Variants in TMEM64 observed in about 807,000 individuals in gnomAD.
TMEM64 encodes transmembrane protein 64.
TMEM64 carries 19 observed loss-of-function variants against 24.5 expected under a neutral mutation model. The ratio of observed to expected loss-of-function variants is 0.78; its 90% CI spans 0.54 to 1.14. The LOEUF (loss-of-function observed/expected upper bound fraction) is 1.14, where lower values mean the gene tolerates loss of function less well. Ranked by LOEUF, TMEM64 falls within the 50% of genes most tolerant of loss-of-function variation. The pLI is 0.00. For missense variants in TMEM64, 487 were observed against 493.0 expected (o/e 0.99, Z 0.12); for synonymous variants, 262 against 224.7 (o/e 1.17, Z -1.49).
At position 90,645,699 on chromosome 8, in the gene TMEM64, A is replaced by G; in HGVS notation, c.207T>C (p.Tyr69=). ...AAASGALLGA[Y]LERHGPPEAS... ...CCTCGGGCGGACCGTGGCGCTCCAG[A>G]TAGGCGCCGAGCAGGGCGCCCGAGG... Residue 69 remains tyrosine, a synonymous_variant, in exon 1 of 3, where the codon TAT becomes TAC. Transcript: ENST00000458549. This position sits in a 1 kb window ranked among gnomAD's most constrained non-coding sequence, Gnocchi z 4.2. 7.1e-7 allele frequency: 1 copy of G among 1,410,616 alleles called. No individual in the cohort carries two copies. The highest frequency in any genetic ancestry group is 1.5e-5 in the African/African-American group (1 of 65,986). The allele number at this position is 1,410,616 out of a possible 1,614,324, so 87.4% of individuals were successfully genotyped here.
intron 1 of TMEM64, among the ~76,000 whole-genome samples, chr8:90,638,806 C>A (rs1215054500): frequency 3.3e-5 from 5 of 152,052 alleles, no homozygotes; most frequent in Non-Finnish European, 7.4e-5. Context: ...GCCAAACACA[C>A]AGAAAAAATG....
In TMEM64 at chr8:90,645,742, G is replaced by GCCGCGCTCGCCCCGCCC; in HGVS notation, c.147_163dup (p.Ala55GlyfsTer58). The GCCGCGCTCGCCCCGCCC allele has an allele frequency of 9.0e-7, 1 of 1,109,534 alleles. No individual in the cohort carries two copies. Among genetic ancestry groups the GCCGCGCTCGCCCCGCCC allele is most frequent in the Non-Finnish European group, 1.1e-6 (1 of 911,838 alleles). The allele number at this position is 1,109,534 out of a possible 1,614,324, so 68.7% of individuals were successfully genotyped here. ...GCCCGAGGCCGCCGCTGCTGCCGCC[G>GCCGCGCTCGCCCCGCCC]CCGCGCTCGCCCCGCCCCCGCGGGG... On this transcript the variant is annotated frameshift_variant, in exon 1 of 3. Transcript: ENST00000458549. LOFTEE classifies it high-confidence loss of function. The surrounding 1 kb of genome is among the most constrained non-coding windows in gnomAD (Gnocchi z 4.2).
At chr8:90,637,949 TC>T (rs1809547206) in intron 1 of TMEM64, among the ~76,000 whole-genome samples, 1 of 152,170 alleles carries the variant, frequency 6.6e-6, no homozygotes, top group South Asian at 2.1e-4. Context: ...GCTGGAGACC[TC>T]ATCAGTCAGG....
At chr8:90,628,954 T>C (rs140575652) in intron 2 of TMEM64, among the ~76,000 whole-genome samples, 164 of 152,316 alleles carry the variant, frequency 1.1e-3, no homozygotes, top group African/African-American at 3.4e-3. Context: ...CAAGAAATGG[T>C]TGTGGCTTCC....
Position 90,625,080 on chromosome 8 carries a change from G to C in TMEM64, c.*591C>G, listed in dbSNP as rs1052525565. On this transcript the variant is annotated 3_prime_UTR_variant, in exon 3 of 3. Coordinates refer to ENST00000458549, the MANE Select transcript of TMEM64 (RefSeq NM_001008495.4). ...AGGTAGGATTTAAGCTTTGTGAATAGGTGTAAATGGCCCTGTAACAATATG... is the reference window on the plus strand; with the variant it reads ...AGGTAGGATTTAAGCTTTGTGAATACGTGTAAATGGCCCTGTAACAATATG... 1.3e-5 allele frequency: 2 copies of C among 152,502 alleles called. No individual in the cohort carries two copies. Among genetic ancestry groups the C allele is most frequent in the African/African-American group, 4.8e-5 (2 of 41,428 alleles). The allele number at this position is 152,502 out of a possible 1,614,324, so 9.4% of individuals were successfully genotyped here.
At chr8:90,632,800 A>C (rs557200857) in intron 1 of TMEM64, among the ~76,000 whole-genome samples, 7 of 152,156 alleles carry the variant, frequency 4.6e-5, no homozygotes, top group Non-Finnish European at 1.0e-4. Context: ...AATATTTCTA[A>C]AGTATCTAGG....
intron 1 of TMEM64, among the ~76,000 whole-genome samples, chr8:90,632,228 C>T (rs1478044197): frequency 6.6e-6 from 1 of 151,984 alleles, no homozygotes; most frequent in East Asian, 1.9e-4. Context: ...CTCACTGCAA[C>T]CTCCACCACC....
chr8:90,643,369 T>C (rs1206394768), intron 1 of TMEM64, among the ~76,000 whole-genome samples: 1 of 152,202 alleles, frequency 6.6e-6, no homozygotes, highest in East Asian at 1.9e-4. Context: ...GTAGGTATCA[T>C]TACTTTCCTC....
At position 90,626,620 on chromosome 8, in the gene TMEM64, TTTTTC is replaced by T. The variant is rs796777713; in HGVS notation, c.952-763_952-759del. Among the ~76,000 whole-genome samples the T allele has an allele frequency of 1.0e-4, 14 of 134,976 alleles. 1 individual carries two copies. Among genetic ancestry groups the T allele is most frequent in the Admixed American group, 1.6e-4 (2 of 12,768 alleles). 88.5% of individuals were successfully genotyped at this position (134,976 alleles called of 152,430 possible). On this transcript the variant is annotated intron_variant, in intron 2 of 2. Transcript: ENST00000458549. ...GAAGCTGTGGTCCCTCTGTACTTTT[TTTTTC>T]TTTCTTTTTTTTTTTTTTTTTTTGA...
intron 2 of TMEM64, among the ~76,000 whole-genome samples, chr8:90,630,954 T>C (rs1010986032): frequency 9.8e-5 from 15 of 152,350 alleles, no homozygotes; most frequent in African/African-American, 1.9e-4. Flanking sequence ...CAACTTCTTA[T>C]GTAAAATTTT....
chr8:90,642,933 C>G (rs1363996162), intron 1 of TMEM64, among the ~76,000 whole-genome samples: 1 of 151,774 alleles, frequency 6.6e-6, no homozygotes, highest in Non-Finnish European at 1.5e-5. Context: ...TCTTTTTTTT[C>G]CCTTCTTTTT....
chr8:90,633,033 C>T (rs1809463545), intron 1 of TMEM64, among the ~76,000 whole-genome samples: 1 of 152,118 alleles, frequency 6.6e-6, no homozygotes, highest in Admixed American at 6.5e-5. Context: ...CTGTGGTAGG[C>T]AACATCTAAA....
In TMEM64 at chr8:90,645,804, C is replaced by G. The variant is rs1809692225; in HGVS notation, c.102G>C (p.Pro34=). 1 of 1,029,270 alleles carries G rather than the reference C, an allele frequency of 9.7e-7. No homozygotes were observed. Among genetic ancestry groups the G allele is most frequent in the African/African-American group, 1.7e-5 (1 of 57,946 alleles). The allele number at this position is 1,029,270 out of a possible 1,614,324, so 63.8% of individuals were successfully genotyped here. The part of the protein sequence containing the change: ...LAELPARWAL[P]RGAGGDGPAD... The stretch of plus-strand genomic sequence containing the variant: ...CCGGGCCGTCCCCGCCCGCACCCCG[C>G]GGCAGGGCCCAGCGGGCCGGCAGCT... The change falls in exon 1 of 3, where the codon CCG becomes CCC. Residue 34 remains proline, a synonymous_variant. Transcript: ENST00000458549. The surrounding 1 kb of genome is among the most constrained non-coding windows in gnomAD (Gnocchi z 4.2).
At chr8:90,631,995 T>C (rs1402756142) in intron 1 of TMEM64, among the ~76,000 whole-genome samples, 3 of 152,262 alleles carry the variant, frequency 2.0e-5, no homozygotes, top group African/African-American at 7.2e-5. Context: ...ATTGATAACT[T>C]TGTAAAAACA....
rs79038349 is a variant in TMEM64 at position 90,643,580 on chromosome 8, T to C, written c.795+1531A>G. Among the ~76,000 whole-genome samples, 37 of 152,308 alleles carry C rather than the reference T, an allele frequency of 2.4e-4. No individual in the cohort carries two copies. In the East Asian group the frequency reaches 6.9e-3, roughly 29 times the overall value. On this transcript the variant is annotated intron_variant, in intron 1 of 2. Transcript: ENST00000458549. Reference sequence around the variant, plus strand: ...TGTGGAAAGAGCCGAGGACAGTAGTTGGCACACGGTAGATGGACAAGAAAA... The same window carrying C: ...TGTGGAAAGAGCCGAGGACAGTAGTCGGCACACGGTAGATGGACAAGAAAA...
At chr8:90,637,080 A>G (rs1231279963) in intron 1 of TMEM64, among the ~76,000 whole-genome samples, 1 of 152,208 alleles carries the variant, frequency 6.6e-6, no homozygotes, top group African/African-American at 2.4e-5. Flanking sequence ...CCACTATACC[A>G]AATAGATCCT....
intron 1 of TMEM64, among the ~76,000 whole-genome samples, chr8:90,636,775 C>T (rs998900670): frequency 9.9e-5 from 15 of 152,150 alleles, no homozygotes; most frequent in African/African-American, 3.4e-4. Flanking sequence ...ATTGGAATTC[C>T]TGCTTGCAGT....
chr8:90,645,078 TGGAGAGGGATAGG>T lies in TMEM64; in HGVS notation c.795+20_795+32del, dbSNP rs771173189. 6.4e-7 allele frequency: 1 copy of T among 1,573,554 alleles called. No individual in the cohort carries two copies. The highest frequency in any genetic ancestry group is 8.7e-7 in the Non-Finnish European group (1 of 1,155,240). ...CCACAAGACCGCTCAAAAACAGACT[TGGAGAGGGATAGG>T]CCAGCGGGACCCCACTTACCGAAAA... On this transcript the variant is annotated intron_variant, in intron 1 of 2. Coordinates refer to ENST00000458549, the MANE Select transcript of TMEM64 (RefSeq NM_001008495.4). This position sits in a 1 kb window ranked among gnomAD's most constrained non-coding sequence, Gnocchi z 4.2.
At chr8:90,631,500 T>C in intron 2 of TMEM64, 52 bp downstream of exon 2, 1 of 1,407,208 alleles carries the variant, frequency 7.1e-7, no homozygotes, top group Non-Finnish European at 9.6e-7. Flanking sequence ...AGCAATGCCA[T>C]ACAAAAAGAA....
Sources: allele counts gnomAD v4.1 joint callset (sites outside exome capture counted in the v4.1 genomes callset), GRCh38; gene constraint gnomAD v4.1.1; non-coding constraint Gnocchi (gnomAD v3.1); transcripts MANE v1.5; gene names NCBI Gene and HGNC (gene_info 2026-07-23, HGNC 2026-07-21).